Variants in WSCD1 observed in about 807,000 individuals in gnomAD.
WSCD1 encodes WSC domain sialate O sulfotransferase 1.
Under a neutral mutation model 60.4 loss-of-function variants are expected in WSCD1, and 41 were observed. That is an observed-to-expected ratio of 0.68 (90% CI 0.53 to 0.88). The LOEUF (loss-of-function observed/expected upper bound fraction) is 0.88, where lower values mean the gene tolerates loss of function less well. Ranked by LOEUF, WSCD1 falls within the 40% of genes least tolerant of loss-of-function variation. The probability of loss-of-function intolerance (pLI) is 0.00; values close to 1 mark genes in which losing one functional copy is unlikely to be tolerated. For synonymous variants in WSCD1, 361 were observed against 332.5 expected, an observed-to-expected ratio of 1.09 and a Z score of -0.93; for missense variants, 784 against 796.2, an observed-to-expected ratio of 0.98 and a Z score of 0.18.
intron 5 of WSCD1, among the ~76,000 whole-genome samples, chr17:6,105,148 A>G (rs1911013652): frequency 6.6e-6 from 1 of 152,174 alleles, no homozygotes; most frequent in African/African-American, 2.4e-5. Context: ...TTGCTGAGTC[A>G]TGACCTTGCT....
chr17:6,102,068 T>C (rs1196853561), intron 5 of WSCD1, among the ~76,000 whole-genome samples: 3 of 152,258 alleles, frequency 2.0e-5, no homozygotes, highest in African/African-American at 7.2e-5. Flanking sequence ...TGTTGAGCTT[T>C]CTTTTTCCCC....
intron 2 of WSCD1, among the ~76,000 whole-genome samples, chr17:6,086,881 A>G (rs1183194465): frequency 6.6e-6 from 1 of 152,142 alleles, no homozygotes; most frequent in African/African-American, 2.4e-5. Context: ...CTCACTAAAA[A>G]GCCGCTTGGG....
chr17:6,102,628 A>G (rs1910869558), intron 5 of WSCD1, among the ~76,000 whole-genome samples: 2 of 152,228 alleles, frequency 1.3e-5, no homozygotes, highest in South Asian at 4.1e-4. Flanking sequence ...AACTAATAAC[A>G]TTGAACATCT....
chr17:6,085,924 T>C (rs1016666698), intron 2 of WSCD1, among the ~76,000 whole-genome samples: 1 of 152,122 alleles, frequency 6.6e-6, no homozygotes, highest in Non-Finnish European at 1.5e-5. Context: ...GAGATGCACG[T>C]GGGACTGGAT....
chr17:6,104,996 A>T (rs1374522670), intron 5 of WSCD1, among the ~76,000 whole-genome samples: 2 of 152,182 alleles, frequency 1.3e-5, no homozygotes, highest in Non-Finnish European at 2.9e-5. Flanking sequence ...GATGGAGGAG[A>T]TGATGCCGAG....
upstream of WSCD1, among the ~76,000 whole-genome samples, chr17:6,069,774 GGT>G (rs746125445): frequency 3.8e-3 from 403 of 106,502 alleles, 2 homozygotes; most frequent in Admixed American, 7.7e-3. Flanking sequence ...ACGGTGATCC[GGT>G]GTGTGTGTGT....
chr17:6,079,792 A>G (rs1909108066), intron 1 of WSCD1, among the ~76,000 whole-genome samples: 1 of 152,166 alleles, frequency 6.6e-6, no homozygotes, highest in South Asian at 2.1e-4. Context: ...AGGTACATTT[A>G]TATGTGGTAG....
chr17:6,107,969 G>A (rs189101520), intron 5 of WSCD1, among the ~76,000 whole-genome samples: 95 of 152,252 alleles, frequency 6.2e-4, no homozygotes, highest in Non-Finnish European at 1.2e-3. Flanking sequence ...GACTCACAGC[G>A]CAGGTGCCTC....
At position 6,086,250 on chromosome 17, in the gene WSCD1, CATATATATAT is replaced by C. The variant is rs61690560; in HGVS notation, c.428-1724_428-1715del. 2.4e-4 allele frequency among the ~76,000 whole-genome samples: 24 copies of C among 98,238 alleles called. 1 individual carries two copies. Among genetic ancestry groups the C allele is most frequent in the Admixed American group, 3.9e-4 (4 of 10,198 alleles). 64.4% of individuals were successfully genotyped at this position (98,238 alleles called of 152,430 possible). A position where few individuals can be genotyped will look rare whatever the true frequency, so the allele number is the denominator to read the frequency against. On this transcript the variant is annotated intron_variant, in intron 2 of 8. Transcript: ENST00000317744. ...GCAGTCAGTAAGACCGTCCTGACTT[CATATATATAT>C]ATATATATATATATACTTATGTACT...
chr17:6,109,508 C>T (rs1452765457), intron 5 of WSCD1, 99 bp from the exon 6 acceptor site: 8 of 1,493,260 alleles, frequency 5.4e-6, no homozygotes, highest in Non-Finnish European at 7.3e-6. Context: ...ACAGATACAG[C>T]TGGCAATACA....
At chr17:6,085,876 G>A (rs997898221) in intron 2 of WSCD1, among the ~76,000 whole-genome samples, 2 of 152,194 alleles carry the variant, frequency 1.3e-5, no homozygotes, top group African/African-American at 2.4e-5. Flanking sequence ...GCAGTGGTCC[G>A]TGCTGGTGGC....
chr17:6,069,351 T>C (rs1332595787), upstream of WSCD1: 4 of 399,414 alleles, frequency 1.0e-5, no homozygotes, highest in South Asian at 1.3e-4. Flanking sequence ...GGATTGTGTA[T>C]AGACTTGTGT....
intron 7 of WSCD1, 89 bp from the exon 8 acceptor site, chr17:6,117,899 A>T: frequency 7.2e-7 from 1 of 1,384,146 alleles, no homozygotes; most frequent in Non-Finnish European, 1.0e-6. Flanking sequence ...TATGCCCCTG[A>T]TGCCAGCTTT....
intron 1 of WSCD1, chr17:6,071,153 G>A (rs991022448): frequency 6.6e-6 from 1 of 152,266 alleles, no homozygotes; most frequent in Non-Finnish European, 1.5e-5. Context: ...TTGAACAGAG[G>A]CAGAGGCAAA....
intron 5 of WSCD1, among the ~76,000 whole-genome samples, chr17:6,095,674 G>A (rs982756016): frequency 5.3e-5 from 8 of 152,320 alleles, no homozygotes; most frequent in South Asian, 2.1e-4. Flanking sequence ...GGAGTAGAGC[G>A]TGACCCCATG....
Position 6,114,153 on chromosome 17 carries a change from T to TAAAA in WSCD1, c.1174+3234_1174+3237dup, listed in dbSNP as rs370433776. On this transcript the variant is annotated intron_variant, in intron 7 of 8. Coordinates refer to ENST00000317744, the MANE Select transcript of WSCD1 (RefSeq NM_015253.2). ...CATATACACAATGGCTAGTTAGCCG[T>TAAAA]AAAAAAAAAAAAAAAAAAAGAATTA... 4.8e-5 allele frequency among the ~76,000 whole-genome samples: 6 copies of TAAAA among 125,176 alleles called. 1 individual carries two copies. The highest frequency in any genetic ancestry group is 1.7e-4 in the Admixed American group (2 of 12,032). The allele number at this position is 125,176 out of a possible 152,430, so 82.1% of individuals were successfully genotyped here.
In WSCD1 at chr17:6,123,111, A is replaced by C. The variant is rs1281269359; in HGVS notation, c.*2450A>C. 3 of 152,170 alleles carry C rather than the reference A, an allele frequency of 2.0e-5. No homozygotes were observed. The South Asian group carries it at 6.2e-4, about 32-fold the overall frequency. 9.4% of individuals were successfully genotyped at this position (152,170 alleles called of 1,614,324 possible). On this transcript the variant is annotated 3_prime_UTR_variant, in exon 9 of 9. Coordinates refer to ENST00000317744, the MANE Select transcript of WSCD1 (RefSeq NM_015253.2). The stretch of plus-strand genomic sequence containing the variant: ...AAGTTAGGTCTCATCTACAGCTCTT[A>C]GCTTCTCAGTAAAGAGGATACTCTC...
intron 4 of WSCD1, among the ~76,000 whole-genome samples, chr17:6,093,955 G>A (rs906785494): frequency 6.6e-6 from 1 of 152,228 alleles, no homozygotes; most frequent in Non-Finnish European, 1.5e-5. Context: ...GCTGTGGTCA[G>A]TTGAGATGGG....
chr17:6,121,690 G>C lies in WSCD1; in HGVS notation c.*1029G>C, dbSNP rs1257962046. ...TAAGGGCTGTATCTCCGCGATTACT[G>C]GTACTGGTGCTCCACCCATAGGGGC... is the stretch of plus-strand genomic sequence containing the variant. On this transcript the variant is annotated 3_prime_UTR_variant, in exon 9 of 9. Coordinates refer to ENST00000317744, the MANE Select transcript of WSCD1 (RefSeq NM_015253.2). 6.6e-6 allele frequency: 1 copy of C among 152,392 alleles called. No individual in the cohort carries two copies. The highest frequency in any genetic ancestry group is 1.5e-5 in the Non-Finnish European group (1 of 68,228). The allele number at this position is 152,392 out of a possible 1,614,324, so 9.4% of individuals were successfully genotyped here.
Sources: allele counts gnomAD v4.1 joint callset (sites outside exome capture counted in the v4.1 genomes callset), GRCh38; gene constraint gnomAD v4.1.1; transcripts MANE v1.5; gene names NCBI Gene and HGNC (gene_info 2026-07-23, HGNC 2026-07-21).